Variants in RIMBP2 observed in about 807,000 individuals in gnomAD.
RIMBP2 encodes RIMS binding protein 2.
RIMBP2 carries 48 observed loss-of-function variants against 118.6 expected under a neutral mutation model. That is an observed-to-expected ratio of 0.40 (90% CI 0.32 to 0.51). RIMBP2 has a LOEUF of 0.51. RIMBP2 is among the 20% of genes least tolerant of loss of function. The probability of loss-of-function intolerance (pLI) is 0.41; values close to 1 mark genes in which losing one functional copy is unlikely to be tolerated. For synonymous variants in RIMBP2, 762 were observed against 742.9 expected, an observed-to-expected ratio of 1.03 and a Z score of -0.42; for missense variants, 1,551 against 1,768.3, an observed-to-expected ratio of 0.88 and a Z score of 2.20.
At chr12:130,633,040 C>T (rs1023348472) in intron 1 of RIMBP2, among the ~76,000 whole-genome samples, 8 of 152,056 alleles carry the variant, frequency 5.3e-5, no homozygotes, top group East Asian at 3.9e-4. Flanking sequence ...TAGGCATAGA[C>T]GCAGTTCATT....
At chr12:130,592,853 C>A (rs979076451) in intron 2 of RIMBP2, among the ~76,000 whole-genome samples, 2 of 152,058 alleles carry the variant, frequency 1.3e-5, no homozygotes, top group Non-Finnish European at 2.9e-5. Flanking sequence ...AGATGGACAG[C>A]GAGCTGGTGA....
chr12:130,682,095 G>C lies in RIMBP2; in HGVS notation c.-352+34127C>G, dbSNP rs1260533062. ...CCATAGTGTGGCATTGCTGCTGGGTGGTGGCTCACCCAGGGACACCCTCCC... is the reference window on the plus strand; with the variant it reads ...CCATAGTGTGGCATTGCTGCTGGGTCGTGGCTCACCCAGGGACACCCTCCC... On this transcript the variant is annotated intron_variant, in intron 1 of 22. Coordinates refer to ENST00000690449, the MANE Select transcript of RIMBP2 (RefSeq NM_001393629.1). 3.3e-5 allele frequency among the ~76,000 whole-genome samples: 5 copies of C among 152,222 alleles called. No individual in the cohort carries two copies. The South Asian group carries it at 6.2e-4, about 19-fold the overall frequency.
At chr12:130,498,760 CAA>C (rs2049448905) in intron 4 of RIMBP2, among the ~76,000 whole-genome samples, 1 of 152,082 alleles carries the variant, frequency 6.6e-6, no homozygotes, top group Non-Finnish European at 1.5e-5. Flanking sequence ...AACATGCAGG[CAA>C]AGAGCCAGCC....
At position 130,583,514 on chromosome 12, in the gene RIMBP2, T is replaced by C. The variant is rs1016146422; in HGVS notation, c.-217+44808A>G. Among the ~76,000 whole-genome samples the C allele has an allele frequency of 3.7e-5, 4 of 107,912 alleles. No individual in the cohort carries two copies. In the East Asian group the frequency reaches 9.1e-4, roughly 25 times the overall value. The allele number at this position is 107,912 out of a possible 152,430, so 70.8% of individuals were successfully genotyped here. A position where few individuals can be genotyped will look rare whatever the true frequency, so the allele number is the denominator to read the frequency against. ...ATCACCATCATCACCATTACCACCATTACATCATCACTATCACAACCATTA... is the reference window on the plus strand; with the variant it reads ...ATCACCATCATCACCATTACCACCACTACATCATCACTATCACAACCATTA... On this transcript the variant is annotated intron_variant, in intron 2 of 22. Coordinates refer to ENST00000690449, the MANE Select transcript of RIMBP2 (RefSeq NM_001393629.1).
intron 2 of RIMBP2, among the ~76,000 whole-genome samples, chr12:130,613,601 G>A (rs554281322): frequency 1.2e-4 from 19 of 152,242 alleles, no homozygotes; most frequent in African/African-American, 4.1e-4. Context: ...GGATTACATG[G>A]TCGGGAGATG....
chr12:130,562,625 G>A (rs2056905910), intron 2 of RIMBP2, among the ~76,000 whole-genome samples: 1 of 152,228 alleles, frequency 6.6e-6, no homozygotes, highest in African/African-American at 2.4e-5. Context: ...GCCAGAGTTG[G>A]ATCACATCCC....
rs574818505 is a variant in RIMBP2 at position 130,652,601 on chromosome 12, G to A, written c.-351-24145C>T. ...ATCTGCATTCCCTTGAGGATATGGA[G>A]CATCTCAGTGGTCTTGCAGGGCTCT... On this transcript the variant is annotated intron_variant, in intron 1 of 22. Transcript: ENST00000690449. 3.3e-5 allele frequency among the ~76,000 whole-genome samples: 5 copies of A among 152,248 alleles called. No individual in the cohort carries two copies. In the South Asian group the frequency reaches 6.2e-4, roughly 19 times the overall value.
intron 1 of RIMBP2, among the ~76,000 whole-genome samples, chr12:130,686,026 C>T (rs1462270814): frequency 6.6e-6 from 1 of 152,164 alleles, no homozygotes; most frequent in Admixed American, 6.5e-5. Flanking sequence ...ATCTGCTGTC[C>T]GGTCCTTGCC....
At chr12:130,646,405 C>CA (rs1358602177) in intron 1 of RIMBP2, among the ~76,000 whole-genome samples, 3,067 of 133,740 alleles carry the variant, frequency 0.023, 1,097 homozygotes, top group Admixed American at 0.035. Flanking sequence ...CCACCTGCCT[C>CA]TCCACCTCCC....
At chr12:130,640,633 G>C (rs556379336) in intron 1 of RIMBP2, among the ~76,000 whole-genome samples, 1 of 152,326 alleles carries the variant, frequency 6.6e-6, no homozygotes, top group Admixed American at 6.5e-5. Context: ...GATGACCTGC[G>C]CTTGTTACGA....
intron 4 of RIMBP2, among the ~76,000 whole-genome samples, chr12:130,504,694 G>A (rs926475587): frequency 2.6e-5 from 4 of 152,036 alleles, no homozygotes; most frequent in African/African-American, 2.4e-5. Flanking sequence ...TTAAGCCACC[G>A]AGACACTGTG....
intron 1 of RIMBP2, among the ~76,000 whole-genome samples, chr12:130,711,199 T>G (rs1207021360): frequency 6.6e-6 from 1 of 152,162 alleles, no homozygotes; most frequent in Non-Finnish European, 1.5e-5. Flanking sequence ...GCTGAGATCA[T>G]GACACTGCAT....
chr12:130,642,927 C>T (rs775893790), intron 1 of RIMBP2, among the ~76,000 whole-genome samples: 2 of 152,198 alleles, frequency 1.3e-5, no homozygotes, highest in Non-Finnish European at 2.9e-5. Flanking sequence ...AGGAGGGAAC[C>T]TGCTTCCCTC....
At chr12:130,643,713 G>A (rs1484543262) in intron 1 of RIMBP2, among the ~76,000 whole-genome samples, 1 of 152,234 alleles carries the variant, frequency 6.6e-6, no homozygotes, top group Non-Finnish European at 1.5e-5. Context: ...ACACCTGCGT[G>A]GGACATGTGT....
chr12:130,678,734 T>G (rs2064627244), intron 1 of RIMBP2, among the ~76,000 whole-genome samples: 1 of 152,194 alleles, frequency 6.6e-6, no homozygotes, highest in Non-Finnish European at 1.5e-5. Flanking sequence ...GCCAGGCTGG[T>G]CTCGAACTCC....
intron 2 of RIMBP2, among the ~76,000 whole-genome samples, chr12:130,586,433 T>C (rs2058885821): frequency 6.6e-6 from 1 of 151,852 alleles, no homozygotes; most frequent in Non-Finnish European, 1.5e-5. Flanking sequence ...GCCTGGGCAA[T>C]AAAAGGGAAA....
chr12:130,532,902 C>T (rs942396841), intron 2 of RIMBP2, among the ~76,000 whole-genome samples: 4 of 149,116 alleles, frequency 2.7e-5, no homozygotes, highest in Non-Finnish European at 4.5e-5. Context: ...CTAGGAGTTA[C>T]GTCTAATGAG....
intron 2 of RIMBP2, among the ~76,000 whole-genome samples, chr12:130,594,706 T>C (rs2059454746): frequency 6.6e-6 from 1 of 152,184 alleles, no homozygotes; most frequent in Non-Finnish European, 1.5e-5. Flanking sequence ...GGTATGTTTG[T>C]GTATATGGAA....
intron 1 of RIMBP2, among the ~76,000 whole-genome samples, chr12:130,641,215 A>G (rs2062603679): frequency 6.6e-6 from 1 of 152,158 alleles, no homozygotes; most frequent in Admixed American, 6.5e-5. Flanking sequence ...TGCCATTCCA[A>G]GGACAGAAAG....
Sources: gnomAD v4.1 joint callset for allele counts (sites outside exome capture counted in the v4.1 genomes callset) on GRCh38, gnomAD v4.1.1 for gene constraint, MANE v1.5 for transcripts, NCBI Gene and HGNC (gene_info 2026-07-23, HGNC 2026-07-21) for gene names.